GRID1: variants seen among roughly 807,000 people sequenced by gnomAD.
GRID1 encodes glutamate receptor ionotropic, delta-1.
A neutral mutation model predicts 98.0 loss-of-function variants in GRID1; 28 were observed. The ratio of observed to expected loss-of-function variants is 0.29; its 90% CI spans 0.21 to 0.39. The LOEUF (loss-of-function observed/expected upper bound fraction) is 0.39. GRID1 is among the 10% of genes least tolerant of loss of function. The probability of loss-of-function intolerance (pLI) is 1.00; values close to 1 mark genes in which losing one functional copy is unlikely to be tolerated. For synonymous variants in GRID1, 553 were observed against 538.5 expected (o/e 1.03, Z -0.37); for missense variants, 1,111 against 1,340.5 (o/e 0.83, Z 2.67).
At chr10:86,299,044 C>G (rs541575154) in intron 2 of GRID1, among the ~76,000 whole-genome samples, 15 of 152,114 alleles carry the variant, frequency 9.9e-5, no homozygotes, top group Admixed American at 6.5e-5. Flanking sequence ...ATTCCACCCC[C>G]ACCCGGCCCT....
intron 4 of GRID1, among the ~76,000 whole-genome samples, chr10:86,002,660 G>A (rs143300382): frequency 1.6e-4 from 24 of 152,282 alleles, no homozygotes; most frequent in Non-Finnish European, 3.5e-4. Context: ...GAGCCATAGT[G>A]ATTGCTGTGT....
chr10:85,810,207 T>G (rs1248271765), intron 8 of GRID1, among the ~76,000 whole-genome samples: 1 of 148,260 alleles, frequency 6.7e-6, no homozygotes, highest in African/African-American at 2.5e-5. Flanking sequence ...ACTACTGGAG[T>G]GTGCTCTGCC....
intron 13 of GRID1, among the ~76,000 whole-genome samples, chr10:85,624,249 C>G (rs1842886363): frequency 6.6e-6 from 1 of 152,236 alleles, no homozygotes; most frequent in African/African-American, 2.4e-5. Context: ...AAAACAAACA[C>G]TGTATTTCAC....
chr10:86,212,004 G>A (rs1324057728), intron 2 of GRID1, among the ~76,000 whole-genome samples: 1 of 152,218 alleles, frequency 6.6e-6, no homozygotes, highest in Non-Finnish European at 1.5e-5. Context: ...AAGTCACTGG[G>A]TGCCTGCAGG....
intron 3 of GRID1, among the ~76,000 whole-genome samples, chr10:86,161,151 C>T (rs1267471589): frequency 6.6e-6 from 1 of 152,198 alleles, no homozygotes; most frequent in African/African-American, 2.4e-5. Flanking sequence ...GGCCGTCCAA[C>T]CCCGGTGACC....
chr10:85,680,628 T>C (rs1220088506), intron 12 of GRID1, among the ~76,000 whole-genome samples: 5 of 152,190 alleles, frequency 3.3e-5, no homozygotes, highest in Middle Eastern at 3.2e-3. Context: ...ACTGGGTATC[T>C]ACCAAAGGAA....
At chr10:85,798,762 C>G (rs1366410074) in intron 8 of GRID1, among the ~76,000 whole-genome samples, 1 of 152,058 alleles carries the variant, frequency 6.6e-6, no homozygotes, top group Non-Finnish European at 1.5e-5. Flanking sequence ...AACCCCTTGT[C>G]AGATGCATAG....
At chr10:85,968,175 G>T (rs139248480) in intron 4 of GRID1, among the ~76,000 whole-genome samples, 2 of 151,888 alleles carry the variant, frequency 1.3e-5, no homozygotes, top group Admixed American at 1.3e-4. Flanking sequence ...TGCCTGCCAG[G>T]TGCAGTGGCT....
At chr10:86,289,678 A>G (rs1305608299) in intron 2 of GRID1, among the ~76,000 whole-genome samples, 1 of 152,098 alleles carries the variant, frequency 6.6e-6, no homozygotes, top group Non-Finnish European at 1.5e-5. Flanking sequence ...TTTCTTTTGC[A>G]GAGCCTCCTC....
intron 8 of GRID1, among the ~76,000 whole-genome samples, chr10:85,792,168 T>C (rs1331497862): frequency 6.6e-6 from 1 of 152,132 alleles, no homozygotes; most frequent in Non-Finnish European, 1.5e-5. Context: ...GAAACCATCA[T>C]CTACACCATT....
chr10:85,783,837 A>T (rs1422313104), intron 8 of GRID1, among the ~76,000 whole-genome samples: 1 of 152,180 alleles, frequency 6.6e-6, no homozygotes, highest in African/African-American at 2.4e-5. Context: ...AGCTTACTTG[A>T]GCCAAAATAA....
At chr10:85,891,754 G>A (rs768753362) in intron 5 of GRID1, among the ~76,000 whole-genome samples, 10 of 152,102 alleles carry the variant, frequency 6.6e-5, no homozygotes, top group Non-Finnish European at 5.9e-5. Context: ...CCCAAGGAGG[G>A]AGAAAGTCTT....
chr10:85,820,874 AGC>A (rs1842763815), intron 8 of GRID1, among the ~76,000 whole-genome samples: 1 of 152,222 alleles, frequency 6.6e-6, no homozygotes, highest in African/African-American at 2.4e-5. Context: ...TTAAAAATTA[AGC>A]ATCAACAATA....
intron 3 of GRID1, among the ~76,000 whole-genome samples, chr10:86,186,581 T>C (rs1845728402): frequency 6.6e-6 from 1 of 152,240 alleles, no homozygotes; most frequent in Admixed American, 6.5e-5. Flanking sequence ...TCTTTCTTGA[T>C]GGGTGACCTT....
intron 4 of GRID1, among the ~76,000 whole-genome samples, chr10:86,104,883 CA>C (rs554857934): frequency 1.9e-3 from 282 of 152,298 alleles, no homozygotes; most frequent in African/African-American, 6.4e-3. Flanking sequence ...CGACAGCGGA[CA>C]GGGGGGCAAA....
intron 4 of GRID1, among the ~76,000 whole-genome samples, chr10:86,089,786 A>C (rs547929656): frequency 6.6e-6 from 1 of 151,916 alleles, no homozygotes; most frequent in East Asian, 1.9e-4. Context: ...CATTCTTGTC[A>C]CCCAGGCTGG....
intron 3 of GRID1, among the ~76,000 whole-genome samples, chr10:86,173,999 C>A (rs189494162): frequency 1.3e-5 from 2 of 152,094 alleles, no homozygotes; most frequent in East Asian, 3.9e-4. Context: ...GGGTTGGTTC[C>A]AAGTCTTTGC....
At chr10:85,943,816 G>A (rs921631394) in intron 4 of GRID1, among the ~76,000 whole-genome samples, 3 of 152,220 alleles carry the variant, frequency 2.0e-5, no homozygotes, top group Non-Finnish European at 2.9e-5. Context: ...TAATGTGATA[G>A]ATCGCAAACA....
chr10:85,664,549 C>T (rs537894338), intron 12 of GRID1, among the ~76,000 whole-genome samples: 8 of 152,248 alleles, frequency 5.3e-5, no homozygotes, highest in East Asian at 1.9e-4. Flanking sequence ...GCATTGTCAA[C>T]GTACCAGCCA....
Sources: allele counts gnomAD v4.1 joint callset (sites outside exome capture counted in the v4.1 genomes callset), GRCh38; gene constraint gnomAD v4.1.1; transcripts MANE v1.5; gene names NCBI Gene and HGNC (gene_info 2026-07-23, HGNC 2026-07-21).